Variants in ANKRD44 observed in about 807,000 individuals in gnomAD.
ANKRD44 encodes the protein ankyrin repeat domain 44.
A neutral mutation model predicts 116.0 loss-of-function variants in ANKRD44; 35 were observed. The observed-to-expected ratio is 0.30, with a 90% confidence interval of 0.23 to 0.40. The LOEUF is 0.40. ANKRD44 is among the 10% of genes least tolerant of loss of function. ANKRD44 has a pLI of 1.00. For missense variants in ANKRD44, 1,014 were observed against 1,242.6 expected, an observed-to-expected ratio of 0.82 and a Z score of 2.77; for synonymous variants, 435 against 461.8, an observed-to-expected ratio of 0.94 and a Z score of 0.74.
At chr2:197,216,869 A>ACACACAC (rs149197156) in intron 1 of ANKRD44, among the ~76,000 whole-genome samples, 1 of 139,734 alleles carries the variant, frequency 7.2e-6, no homozygotes, top group Admixed American at 7.2e-5. Flanking sequence ...ACATTGGTTA[A>ACACACAC]ACACACACAC....
intron 4 of ANKRD44, among the ~76,000 whole-genome samples, chr2:197,126,550 A>G (rs957343679): frequency 3.3e-5 from 5 of 152,256 alleles, no homozygotes; most frequent in Non-Finnish European, 2.9e-5. Flanking sequence ...CCATGTTATA[A>G]TGGGTCACTT....
intron 4 of ANKRD44, among the ~76,000 whole-genome samples, chr2:197,131,856 C>G (rs530568300): frequency 6.6e-6 from 1 of 152,172 alleles, no homozygotes; most frequent in Non-Finnish European, 1.5e-5. Context: ...GTGCGTTAGA[C>G]TTTCTGGGTT....
At chr2:197,139,042 A>T (rs1366158208) in intron 3 of ANKRD44, among the ~76,000 whole-genome samples, 1 of 152,186 alleles carries the variant, frequency 6.6e-6, no homozygotes, top group Non-Finnish European at 1.5e-5. Flanking sequence ...AGATTTGGCA[A>T]GGGTATGGAG....
chr2:197,063,394 G>A (rs527415817), intron 16 of ANKRD44, among the ~76,000 whole-genome samples: 2 of 152,318 alleles, frequency 1.3e-5, no homozygotes, highest in Admixed American at 6.5e-5. Context: ...AAATCAGAGC[G>A]TCTCTCCCCC....
intron 3 of ANKRD44, among the ~76,000 whole-genome samples, chr2:197,138,508 T>C (rs2079275776): frequency 6.6e-6 from 1 of 152,266 alleles, no homozygotes; most frequent in Non-Finnish European, 1.5e-5. Context: ...AGATTTCTTC[T>C]TCTAAATATT....
intron 9 of ANKRD44, among the ~76,000 whole-genome samples, chr2:197,109,538 C>T (rs1574473224): frequency 6.6e-6 from 1 of 152,286 alleles, no homozygotes; most frequent in Non-Finnish European, 1.5e-5. Flanking sequence ...GGTCTTCCAT[C>T]CAAATGTCAA....
At chr2:197,001,380 G>A (rs570024644) in intron 22 of ANKRD44, among the ~76,000 whole-genome samples, 1 of 152,358 alleles carries the variant, frequency 6.6e-6, no homozygotes, top group African/African-American at 2.4e-5. Context: ...ATGAAAAGTT[G>A]TCCCAGTGTG....
intron 16 of ANKRD44, among the ~76,000 whole-genome samples, chr2:197,052,495 G>C (rs1409104640): frequency 6.6e-6 from 1 of 151,964 alleles, no homozygotes; most frequent in Non-Finnish European, 1.5e-5. Context: ...AGTGTTATCA[G>C]TCCTCAGCCA....
intron 1 of ANKRD44, among the ~76,000 whole-genome samples, chr2:197,208,821 T>TA (rs1288774144): frequency 2.0e-5 from 3 of 151,568 alleles, no homozygotes; most frequent in East Asian, 1.9e-4. Context: ...AAATAAAAAA[T>TA]AAAAAAAAGA....
At chr2:197,055,363 C>A (rs2077183981) in intron 16 of ANKRD44, among the ~76,000 whole-genome samples, 1 of 152,072 alleles carries the variant, frequency 6.6e-6, no homozygotes. Context: ...GGATACAAGA[C>A]CTTTTTCATA....
intron 1 of ANKRD44, among the ~76,000 whole-genome samples, chr2:197,273,976 A>ATATATAT (rs57767335): frequency 1.1e-4 from 6 of 53,472 alleles, no homozygotes; most frequent in Non-Finnish European, 2.2e-4. Flanking sequence ...AAAAAAAAAA[A>ATATATAT]AAAAATATAT....
At chr2:197,065,277 C>A (rs2077406631) in intron 16 of ANKRD44, among the ~76,000 whole-genome samples, 2 of 152,102 alleles carry the variant, frequency 1.3e-5, no homozygotes. Flanking sequence ...CACAACATAC[C>A]AGAATCTCTG....
intron 13 of ANKRD44, among the ~76,000 whole-genome samples, chr2:197,085,594 C>T (rs2077901768): frequency 6.6e-6 from 1 of 152,190 alleles, no homozygotes; most frequent in Admixed American, 6.5e-5. Flanking sequence ...GTCATCCTCA[C>T]TGCTACACTC....
chr2:197,181,603 A>G (rs1365608796), intron 2 of ANKRD44, among the ~76,000 whole-genome samples: 1 of 152,210 alleles, frequency 6.6e-6, no homozygotes, highest in Non-Finnish European at 1.5e-5. Context: ...TCAAAGGAAA[A>G]AAAGTGCCAT....
Position 197,087,453 on chromosome 2 carries a change from C to G in ANKRD44, c.1248-705G>C, listed in dbSNP as rs141373939. On this transcript the variant is annotated intron_variant, in intron 12 of 27. Transcript: ENST00000282272. ...TCTAATAGGAATTTCAGACATGAAT[C>G]TGGAATTGTATGTTGTCACTTTCTG... Among the ~76,000 whole-genome samples, 368 of 152,244 alleles carry G rather than the reference C, an allele frequency of 2.4e-3. 2 individuals are homozygous for G. Among genetic ancestry groups the G allele is most frequent in the African/African-American group, 7.9e-3 (329 of 41,544 alleles).
chr2:197,077,286 T>C (rs1283911239), intron 16 of ANKRD44, among the ~76,000 whole-genome samples: 2 of 152,236 alleles, frequency 1.3e-5, no homozygotes, highest in Non-Finnish European at 2.9e-5. Context: ...CATACGCTTA[T>C]GGCCACACAT....
chr2:197,160,471 C>T (rs1051600079), intron 2 of ANKRD44, among the ~76,000 whole-genome samples: 1 of 152,126 alleles, frequency 6.6e-6, no homozygotes, highest in African/African-American at 2.4e-5. Flanking sequence ...GCAGTGCTTG[C>T]CTGCCTCCTC....
chr2:197,020,693 A>G (rs1558995828), intron 17 of ANKRD44, among the ~76,000 whole-genome samples: 1 of 152,194 alleles, frequency 6.6e-6, no homozygotes, highest in African/African-American at 2.4e-5. Flanking sequence ...TGCATAAAGT[A>G]AAGCCTTCAC....
At chr2:197,248,288 GA>G (rs142304513) in intron 1 of ANKRD44, among the ~76,000 whole-genome samples, 4,396 of 149,932 alleles carry the variant, frequency 0.029, 184 homozygotes, top group African/African-American at 0.098. Flanking sequence ...AACCTGAATA[GA>G]AAAAAAAAGA....
Sources: gnomAD v4.1 joint callset for allele counts (sites outside exome capture counted in the v4.1 genomes callset) on GRCh38, gnomAD v4.1.1 for gene constraint, MANE v1.5 for transcripts, NCBI Gene and HGNC (gene_info 2026-07-23, HGNC 2026-07-21) for gene names.